The following UNC13B variants were observed in gnomAD, a reference collection of about 807,000 sequenced individuals.
UNC13B encodes the protein unc-13 homolog B, also known as protein unc-13 homolog B.
A neutral mutation model predicts 211.0 loss-of-function variants in UNC13B; 144 were observed. The observed-to-expected ratio is 0.68, with a 90% CI of 0.60 to 0.78. The LOEUF is 0.78. Among genes scored for constraint, UNC13B ranks in the 30% least tolerant of loss-of-function variants. UNC13B has a pLI of 0.00. For missense variants in UNC13B, 1,777 were observed against 2,002.0 expected, an observed-to-expected ratio of 0.89 and a Z score of 2.14; for synonymous variants, 709 against 725.8, an observed-to-expected ratio of 0.98 and a Z score of 0.37.
At chr9:35,365,474 C>G (rs1217698715) in intron 11 of UNC13B, among the ~76,000 whole-genome samples, 2 of 152,142 alleles carry the variant, frequency 1.3e-5, no homozygotes, top group Non-Finnish European at 2.9e-5. Context: ...TGGTTTCTGG[C>G]AAATATCTCA....
At position 35,306,882 on chromosome 9, in the gene UNC13B, C is replaced by G; in HGVS notation, c.7478C>G (p.Ser2493Cys). Residue 2493 changes from serine (S) to cysteine (C), a missense_variant, in exon 9 of 40, where the codon TCC (serine) becomes TGC (cysteine). Physicochemically the swap from Ser to Cys is moderately radical, Grantham distance 112. Transcript: ENST00000635942. ...FSSPKSPKKNSFFSLASDVSS... is the reference protein window; with the variant it reads ...FSSPKSPKKNCFFSLASDVSS... ...TCTCCTAAATCTCCAAAGAAAAACT[C>G]CTTTTTCTCTCTTGCTTCTGATGTA... 2 of 399,062 alleles carry G rather than the reference C, an allele frequency of 5.0e-6. No individual in the cohort carries two copies. Among genetic ancestry groups the G allele is most frequent in the Non-Finnish European group, 8.8e-6 (2 of 226,062 alleles). 24.7% of individuals were successfully genotyped at this position (399,062 alleles called of 1,614,324 possible).
chr9:35,232,012 G>A (rs1275141574), intron 3 of UNC13B, among the ~76,000 whole-genome samples: 1 of 151,566 alleles, frequency 6.6e-6, no homozygotes, highest in African/African-American at 2.4e-5. Context: ...TTGGAGGTGG[G>A]CATGAAGGGG....
intron 1 of UNC13B, among the ~76,000 whole-genome samples, chr9:35,165,257 G>C (rs1161171422): frequency 6.6e-6 from 1 of 151,956 alleles, no homozygotes; most frequent in East Asian, 1.9e-4. Context: ...AAAATGACAG[G>C]AAATTAGATT....
At chr9:35,252,357 C>A (rs1367115106) in intron 6 of UNC13B, among the ~76,000 whole-genome samples, 1 of 151,930 alleles carries the variant, frequency 6.6e-6, no homozygotes, top group Non-Finnish European at 1.5e-5. Context: ...TTATTTGAGA[C>A]AGTCTTACTT....
intron 11 of UNC13B, among the ~76,000 whole-genome samples, chr9:35,357,653 C>T (rs1198771967): frequency 1.3e-5 from 2 of 150,242 alleles, no homozygotes; most frequent in African/African-American, 4.9e-5. Context: ...TTTGGGAGAC[C>T]GAGGCGAGAG....
chr9:35,271,767 A>G (rs1487179610), intron 7 of UNC13B, among the ~76,000 whole-genome samples: 1 of 152,214 alleles, frequency 6.6e-6, no homozygotes, highest in African/African-American at 2.4e-5. Flanking sequence ...TGTATTAATG[A>G]CAGTATCACT....
chr9:35,367,699 G>A (rs1564171065), intron 12 of UNC13B, among the ~76,000 whole-genome samples: 1 of 152,016 alleles, frequency 6.6e-6, no homozygotes, highest in Non-Finnish European at 1.5e-5. Flanking sequence ...CCATTCCACT[G>A]TAGTCAGGAT....
At chr9:35,276,291 G>A (rs1828169802) in intron 7 of UNC13B, among the ~76,000 whole-genome samples, 1 of 142,714 alleles carries the variant, frequency 7.0e-6, no homozygotes, top group Non-Finnish European at 1.5e-5. Context: ...GGGTGACAGA[G>A]TGAGAGCCTG....
intron 11 of UNC13B, among the ~76,000 whole-genome samples, chr9:35,321,113 T>C (rs956215074): frequency 6.6e-6 from 1 of 152,240 alleles, no homozygotes; most frequent in African/African-American, 2.4e-5. Flanking sequence ...CACTTTGTTT[T>C]TGTGAACTTT....
chr9:35,353,611 A>T, intron 11 of UNC13B: 3 of 1,232,080 alleles, frequency 2.4e-6, no homozygotes, highest in Non-Finnish European at 3.0e-6. Flanking sequence ...CATGTCTGGG[A>T]AGTGAGACTT....
intron 11 of UNC13B, among the ~76,000 whole-genome samples, chr9:35,357,682 A>G (rs955043326): frequency 6.6e-6 from 1 of 151,714 alleles, no homozygotes; most frequent in African/African-American, 2.4e-5. Context: ...GAGCTCAGAA[A>G]TTTGAGACCA....
In UNC13B at chr9:35,303,956, C is replaced by G; in HGVS notation, c.4552C>G (p.His1518Asp). ...CCAGGAATGGTTGTCATGTCTTGAA[C>G]ATGGAGTGTGGTGGCCATCAGAGGA... ...EYQEWLSCLE[H>D]GVWWPSEDGD... Residue 1518 changes from histidine (H) to aspartate (D), a missense_variant, in exon 9 of 40, where the codon CAT (histidine) becomes GAT (aspartate). By Grantham distance (81) the His-to-Asp change is moderately conservative. Coordinates refer to ENST00000635942, the MANE Select transcript of UNC13B (RefSeq NM_001371189.2). The G allele has an allele frequency of 2.5e-6, 1 of 398,712 alleles. No homozygotes were observed. Among genetic ancestry groups the G allele is most frequent in the Non-Finnish European group, 4.4e-6 (1 of 225,856 alleles). The allele number at this position is 398,712 out of a possible 1,614,324, so 24.7% of individuals were successfully genotyped here.
Position 35,400,395 on chromosome 9 carries a change from A to G in UNC13B, c.12436A>G (p.Thr4146Ala), listed in dbSNP as rs1564201308. ...LRYALSLYTQ[T>A]TDTLIKTFVR... ...CTATGCCCTGTCTCTGTACACACAGACTACTGACACTCTCATCAAGACCTT... is the reference window on the plus strand; with the variant it reads ...CTATGCCCTGTCTCTGTACACACAGGCTACTGACACTCTCATCAAGACCTT... Residue 4146 changes from threonine (T) to alanine (A), a missense_variant, in exon 37 of 40, where the codon ACT becomes GCT. Transcript: ENST00000635942. The G allele has an allele frequency of 1.2e-6, 2 of 1,614,034 alleles. No homozygotes were observed. Among genetic ancestry groups the G allele is most frequent in the Non-Finnish European group, 1.7e-6 (2 of 1,179,940 alleles).
intron 1 of UNC13B, among the ~76,000 whole-genome samples, chr9:35,207,562 T>C (rs1218321172): frequency 6.6e-6 from 1 of 151,850 alleles, no homozygotes; most frequent in African/African-American, 2.4e-5. Flanking sequence ...CACGAACTCC[T>C]GGGCCCAAGT....
At chr9:35,178,175 C>T (rs1258109091) in intron 1 of UNC13B, among the ~76,000 whole-genome samples, 1 of 152,120 alleles carries the variant, frequency 6.6e-6, no homozygotes, top group Non-Finnish European at 1.5e-5. Flanking sequence ...CTATAAGATG[C>T]CATAGATTGT....
At chr9:35,380,346 C>A in intron 17 of UNC13B, 124 bp from the exon 18 acceptor site, 1 of 1,048,488 alleles carries the variant, frequency 9.5e-7, no homozygotes. Flanking sequence ...TACTGCTGTC[C>A]TCTGACTTCT....
chr9:35,320,506 G>A (rs2131907847), intron 11 of UNC13B, among the ~76,000 whole-genome samples: 1 of 152,134 alleles, frequency 6.6e-6, no homozygotes, highest in South Asian at 2.1e-4. Context: ...GGCTCTTTTT[G>A]CTATCCTGTT....
intron 7 of UNC13B, among the ~76,000 whole-genome samples, chr9:35,270,132 G>T (rs1252341098): frequency 6.6e-6 from 1 of 152,124 alleles, no homozygotes; most frequent in South Asian, 2.1e-4. Context: ...CAATGAGGCT[G>T]GTTATTTTTA....
At chr9:35,257,348 A>T (rs183183090) in intron 6 of UNC13B, among the ~76,000 whole-genome samples, 80 of 24,882 alleles carry the variant, frequency 3.2e-3, no homozygotes, top group African/African-American at 7.9e-3. Flanking sequence ...AATATTTATA[A>T]AAATATTTAT....
Sources: allele counts gnomAD v4.1 joint callset (sites outside exome capture counted in the v4.1 genomes callset), GRCh38; gene constraint gnomAD v4.1.1; transcripts MANE v1.5; gene names NCBI Gene and HGNC (gene_info 2026-07-23, HGNC 2026-07-21).